Variants in SUV39H1 observed in about 807,000 individuals in gnomAD.
The protein encoded by SUV39H1 is SUV39H1 histone lysine methyltransferase.
For synonymous variants in SUV39H1, 141 were observed against 150.5 expected, an observed-to-expected ratio of 0.94 and a Z score of 0.46; for missense variants, 180 against 386.3, an observed-to-expected ratio of 0.47 and a Z score of 4.48.
intron 2 of SUV39H1, 60 bp from the exon 3 acceptor site, chrX:48,700,031 A>G: frequency 5.8e-6 from 6 of 1,032,418 alleles, no homozygotes; most frequent in Non-Finnish European, 6.5e-6. Context: ...AGCCCCATGA[A>G]GGCTGGCCCA....
upstream of SUV39H1, chrX:48,696,554 G>C (rs782231063): frequency 2.1e-5 from 7 of 330,968 alleles, no homozygotes; most frequent in East Asian, 3.8e-4. Context: ...CGCCGCTGTC[G>C]CTCCCGCTGC....
chrX:48,696,260 G>A (rs1279362780), upstream of SUV39H1, among the ~76,000 whole-genome samples: 9 of 112,451 alleles, frequency 8.0e-5, no homozygotes, highest in African/African-American at 2.9e-4. Context: ...CCGCTGGCCA[G>A]GGCACAAATG....
intron 1 of SUV39H1, 132 bp from the exon 2 acceptor site, chrX:48,698,770 A>C: frequency 6.4e-6 from 5 of 775,922 alleles, no homozygotes; most frequent in Admixed American, 7.7e-5. Flanking sequence ...AGCACTGGGG[A>C]AGGCCTGTGG....
intron 5 of SUV39H1, 55 bp from the exon 6 acceptor site, chrX:48,707,382 T>C: frequency 1.3e-6 from 1 of 776,297 alleles, no homozygotes; most frequent in Non-Finnish European, 1.9e-6. Context: ...TCCCTCCTTC[T>C]CCCCCTCCCT....
At chrX:48,697,058 A>G (rs1234807068) in intron 1 of SUV39H1, among the ~76,000 whole-genome samples, 1 of 109,246 alleles carries the variant, frequency 9.2e-6, no homozygotes, top group Non-Finnish European at 1.9e-5. Flanking sequence ...CGCGCTGCAG[A>G]TCGCGGCCGG....
Position 48,700,760 on chromosome X carries a change from A to C in SUV39H1, c.828+7A>C. The C allele has an allele frequency of 8.3e-7, 1 of 1,205,627 alleles. No individual in the cohort carries two copies. The highest frequency in any genetic ancestry group is 1.1e-6 in the Non-Finnish European group (1 of 892,001). On this transcript the variant is annotated splice_region_variant and intron_variant, in intron 3 of 5. Transcript: ENST00000376687. ...CATGGAGTACGTGGGAGAGGTAGGG[A>C]GATGGGACCCGGTGTGTGTGTGCAG...
rs2062496545 is a variant in SUV39H1 at position 48,707,820 on chromosome X, T to G, written c.*250T>G. 1.1e-5 allele frequency: 5 copies of G among 462,973 alleles called. No individual in the cohort carries two copies. The allele number at this position is 462,973 out of a possible 1,213,427, so 38.2% of individuals were successfully genotyped here. A position where few individuals can be genotyped will look rare whatever the true frequency, so the allele number is the denominator to read the frequency against. ...CCCACCCACCTTCAGAAATAGTTTT[T>G]CAACATCAAGACTCTCTGTCGTTGG... On this transcript the variant is annotated 3_prime_UTR_variant, in exon 6 of 6. Transcript: ENST00000376687.
At chrX:48,707,414 C>G (rs782610873) in intron 5 of SUV39H1, 23 bp from the exon 6 acceptor site, 18 of 1,152,214 alleles carry the variant, frequency 1.6e-5, no homozygotes, top group Non-Finnish European at 1.6e-5. Context: ...TCCCTCCTCT[C>G]CTCCCTGGCT....
chrX:48,707,547 T>C lies in SUV39H1; in HGVS notation c.1216T>C (p.Ser406Pro). The change falls in exon 6 of 6, where the codon TCC (serine) becomes CCC (proline). Residue 406 changes from serine to proline, a missense_variant. Coordinates refer to ENST00000376687, the MANE Select transcript of SUV39H1 (RefSeq NM_003173.4). Reference protein sequence around the residue: ...VRIECKCGTESCRKYLF With the variant: ...VRIECKCGTEPCRKYLF ...TATTGAATGCAAGTGTGGGACTGAG[T>C]CCTGCCGCAAATACCTCTTCTAGCC... 8.3e-7 allele frequency: 1 copy of C among 1,211,230 alleles called. No individual in the cohort carries two copies. Among genetic ancestry groups the C allele is most frequent in the East Asian group, 3.0e-5 (1 of 33,822 alleles).
chrX:48,696,673 G>A (rs1394571823), upstream of SUV39H1: 7 of 1,022,597 alleles, frequency 6.8e-6, no homozygotes, highest in African/African-American at 8.1e-5. Flanking sequence ...GTCCGCGCGG[G>A]TGCTGCGAGT....
chrX:48,701,883 AG>A (rs1253948928), intron 3 of SUV39H1, among the ~76,000 whole-genome samples: 2 of 111,457 alleles, frequency 1.8e-5, no homozygotes, highest in Non-Finnish European at 3.8e-5. Flanking sequence ...ATATAGCCAT[AG>A]GTCCCTTAGG....
chrX:48,697,269 G>T (rs1557008819), intron 1 of SUV39H1, among the ~76,000 whole-genome samples: 1 of 111,952 alleles, frequency 8.9e-6, no homozygotes, highest in East Asian at 2.8e-4. Context: ...CGTGATGGGG[G>T]AAGGGTTTGG....
chrX:48,698,296 G>C (rs1410025752), intron 1 of SUV39H1, among the ~76,000 whole-genome samples: 1 of 112,028 alleles, frequency 8.9e-6, no homozygotes, highest in African/African-American at 3.2e-5. Context: ...TAATGCATTT[G>C]ATTATAGCTT....
At chrX:48,696,580 G>A (rs1433890240), upstream of SUV39H1, 2 of 394,705 alleles carry the variant, frequency 5.1e-6, no homozygotes, top group Non-Finnish European at 8.0e-6. Context: ...CCGCCCAGAC[G>A]CACTCTGGGA....
At chrX:48,702,439 C>T (rs1325447803) in intron 3 of SUV39H1, among the ~76,000 whole-genome samples, 1 of 111,421 alleles carries the variant, frequency 9.0e-6, no homozygotes, top group African/African-American at 3.3e-5. Context: ...GGCACCCTGA[C>T]AGTATCGGGG....
At chrX:48,695,775 G>T, upstream of SUV39H1, 1 of 1,155,976 alleles carries the variant, frequency 8.7e-7, no homozygotes, top group African/African-American at 1.8e-5. Context: ...TGTCTGCCCT[G>T]ATAGAATCTC....
In SUV39H1 at chrX:48,706,486, T is replaced by A. The variant is rs963892037; in HGVS notation, c.976-12T>A. On this transcript the variant is annotated splice_polypyrimidine_tract_variant and intron_variant, in intron 4 of 5. Coordinates refer to ENST00000376687, the MANE Select transcript of SUV39H1 (RefSeq NM_003173.4). The stretch of plus-strand genomic sequence containing the variant: ...CCCCTCCTCACTCTCCCAACTGTTC[T>A]TTCTCGCCCAGTGTGACCCCAACCT... 1 of 1,195,767 alleles carries A rather than the reference T, an allele frequency of 8.4e-7. No individual in the cohort carries two copies.
At chrX:48,696,290 C>T (rs1329049636), upstream of SUV39H1, among the ~76,000 whole-genome samples, 1 of 112,469 alleles carries the variant, frequency 8.9e-6, no homozygotes, top group Non-Finnish European at 1.9e-5. Context: ...ATTGACTGCC[C>T]AGCAGTGTGG....
chrX:48,706,709 CAG>C (rs1602188452), intron 5 of SUV39H1, 82 bp downstream of exon 5: 3 of 1,075,856 alleles, frequency 2.8e-6, no homozygotes, highest in South Asian at 2.3e-5. Context: ...ACCAGTCACT[CAG>C]AGAACCAAGG....
Sources: gnomAD v4.1 joint callset for allele counts (sites outside exome capture counted in the v4.1 genomes callset) on GRCh38, gnomAD v4.1.1 for gene constraint, MANE v1.5 for transcripts, NCBI Gene and HGNC (gene_info 2026-07-23, HGNC 2026-07-21) for gene names.